Variants in PNLIPRP3 observed in about 807,000 individuals in gnomAD.
PNLIPRP3 encodes pancreatic lipase-related protein 3.
Under a neutral mutation model 52.8 loss-of-function variants are expected in PNLIPRP3, and 58 were observed. The observed-to-expected ratio is 1.10, with a 90% CI of 0.89 to 1.37. The LOEUF (loss-of-function observed/expected upper bound fraction) is 1.37. PNLIPRP3 is among the 40% of genes most tolerant of loss of function. PNLIPRP3 has a pLI of 0.00. For synonymous variants in PNLIPRP3, 192 were observed against 185.0 expected, an observed-to-expected ratio of 1.04 and a Z score of -0.31; for missense variants, 593 against 561.6, an observed-to-expected ratio of 1.06 and a Z score of -0.57.
At chr10:116,430,348 GAAAA>G (rs925392321) in intron 1 of PNLIPRP3, among the ~76,000 whole-genome samples, 1 of 152,196 alleles carries the variant, frequency 6.6e-6, no homozygotes, top group Non-Finnish European at 1.5e-5. Context: ...AGGAGTCTGG[GAAAA>G]TGAAGGGCCT....
At chr10:116,449,681 C>T (rs772519786) in intron 4 of PNLIPRP3, among the ~76,000 whole-genome samples, 1 of 152,092 alleles carries the variant, frequency 6.6e-6, no homozygotes, top group Non-Finnish European at 1.5e-5. Flanking sequence ...GGATAGATCA[C>T]CTAGATGGAA....
chr10:116,445,024 G>A (rs930138755), intron 4 of PNLIPRP3, among the ~76,000 whole-genome samples: 1 of 152,146 alleles, frequency 6.6e-6, no homozygotes, highest in Non-Finnish European at 1.5e-5. Flanking sequence ...CGACATTCAC[G>A]AATCTCCAAA....
chr10:116,435,441 G>A (rs1378731264), intron 1 of PNLIPRP3, among the ~76,000 whole-genome samples: 2 of 39,218 alleles, frequency 5.1e-5, no homozygotes, highest in African/African-American at 5.0e-5. Flanking sequence ...GCCAATAAAT[G>A]AGCCAAAAAA....
At chr10:116,475,479 C>T (rs147093847) in intron 10 of PNLIPRP3, among the ~76,000 whole-genome samples, 30 of 152,258 alleles carry the variant, frequency 2.0e-4, no homozygotes, top group Non-Finnish European at 3.7e-4. Flanking sequence ...CTTCTAGTGA[C>T]ATAAAGGGCT....
intron 5 of PNLIPRP3, 67 bp from the exon 6 acceptor site, chr10:116,460,899 G>C: frequency 1.3e-6 from 2 of 1,567,064 alleles, no homozygotes; most frequent in South Asian, 2.3e-5. Context: ...AAGGACACAT[G>C]CTTCCAAAGT....
chr10:116,471,291 G>A (rs992120929), intron 9 of PNLIPRP3, among the ~76,000 whole-genome samples: 3 of 152,138 alleles, frequency 2.0e-5, no homozygotes, highest in Admixed American at 6.6e-5. Context: ...ATCCCTGCAG[G>A]AGAAGAAGAA....
chr10:116,472,143 G>C (rs1189011839), intron 10 of PNLIPRP3, among the ~76,000 whole-genome samples: 1 of 152,102 alleles, frequency 6.6e-6, no homozygotes, highest in East Asian at 1.9e-4. Context: ...AGAGCAAGTG[G>C]AAAAAACTGA....
chr10:116,448,117 AAC>A (rs1450741745), intron 4 of PNLIPRP3, among the ~76,000 whole-genome samples: 10 of 152,154 alleles, frequency 6.6e-5, no homozygotes, highest in Non-Finnish European at 1.5e-5. Flanking sequence ...GGTAAAGGTA[AAC>A]ATATAGACAA....
chr10:116,455,368 C>T (rs564821434), intron 4 of PNLIPRP3, among the ~76,000 whole-genome samples: 2 of 152,250 alleles, frequency 1.3e-5, no homozygotes, highest in South Asian at 4.1e-4. Flanking sequence ...AATGAGCTGC[C>T]TTTGATGCAT....
Position 116,469,164 on chromosome 10 carries a change from C to A in PNLIPRP3, c.928-21C>A, listed in dbSNP as rs374210037. The A allele has an allele frequency of 5.6e-6, 9 of 1,605,518 alleles. No individual in the cohort carries two copies. In the African/African-American group the frequency reaches 1.1e-4, roughly 19 times the overall value. Reference sequence around the variant, plus strand: ...ACATTTCTAATTACATAAGTAATCACCTTTCATTTTCTGTCATCAGGGAAA... The same window carrying A: ...ACATTTCTAATTACATAAGTAATCAACTTTCATTTTCTGTCATCAGGGAAA... On this transcript the variant is annotated intron_variant, in intron 8 of 11. Transcript: ENST00000369230.
intron 7 of PNLIPRP3, among the ~76,000 whole-genome samples, chr10:116,464,027 A>C (rs114122263): frequency 0.017 from 2,584 of 152,076 alleles, 69 homozygotes; most frequent in African/African-American, 0.06. Context: ...AGAAAGAATA[A>C]ATGACTAGAA....
intron 5 of PNLIPRP3, 45 bp from the exon 6 acceptor site, chr10:116,460,921 T>C (rs1471610297): frequency 6.3e-7 from 1 of 1,595,278 alleles, no homozygotes; most frequent in Non-Finnish European, 8.6e-7. Context: ...ACAACAATAT[T>C]AATGTGCACT....
chr10:116,433,973 G>T (rs961327980), intron 1 of PNLIPRP3, among the ~76,000 whole-genome samples: 1 of 152,164 alleles, frequency 6.6e-6, no homozygotes, highest in Non-Finnish European at 1.5e-5. Context: ...AGAGTGACCG[G>T]CATAAGGGTT....
rs1029631507 is a variant in PNLIPRP3, at chr10:116,431,809, C to T, written c.49+3748C>T. Among the ~76,000 whole-genome samples, 18 of 152,260 alleles carry T rather than the reference C, an allele frequency of 1.2e-4. No homozygotes were observed. The East Asian group carries it at 2.9e-3, about 25-fold the overall frequency. ...TCCCTGGGCCCTAGTCCCGGTGCCTCCTCATTCCTCAGTCACAGTAGGCTC... is the reference window on the plus strand; with the variant it reads ...TCCCTGGGCCCTAGTCCCGGTGCCTTCTCATTCCTCAGTCACAGTAGGCTC... On this transcript the variant is annotated intron_variant, in intron 1 of 11. Transcript: ENST00000369230.
Position 116,455,779 on chromosome 10 carries a change from C to T in PNLIPRP3, c.514C>T (p.His172Tyr), listed in dbSNP as rs773432412. The T allele has an allele frequency of 1.2e-6, 2 of 1,613,862 alleles. No homozygotes were observed. Among genetic ancestry groups the T allele is most frequent in the Admixed American group, 1.7e-5 (1 of 59,992 alleles). ...CTTGATTGGCCACAGCTTGGGAGCACACCTGGCTGGGGAAGCTGGGTCAAG... is the reference window on the plus strand; with the variant it reads ...CTTGATTGGCCACAGCTTGGGAGCATACCTGGCTGGGGAAGCTGGGTCAAG... ...VHLIGHSLGA[H>Y]LAGEAGSRIP... Residue 172 changes from histidine (H) to tyrosine (Y), a missense_variant, in exon 5 of 12, where the codon CAC (histidine) becomes TAC (tyrosine). Physicochemically the swap from His to Tyr is moderately conservative, Grantham distance 83 (BLOSUM62 2). Coordinates refer to ENST00000369230, the MANE Select transcript of PNLIPRP3 (RefSeq NM_001011709.3).
At chr10:116,472,714 C>A (rs576631514) in intron 10 of PNLIPRP3, among the ~76,000 whole-genome samples, 1 of 152,270 alleles carries the variant, frequency 6.6e-6, no homozygotes, top group African/African-American at 2.4e-5. Context: ...TGATCTGGAT[C>A]CTGATTGGTG....
intron 4 of PNLIPRP3, among the ~76,000 whole-genome samples, chr10:116,447,575 GT>G (rs1845970951): frequency 6.6e-6 from 1 of 152,038 alleles, no homozygotes; most frequent in African/African-American, 2.4e-5. Context: ...CATGAACAAA[GT>G]GACAATTTCA....
In PNLIPRP3 at chr10:116,477,252, C is replaced by T. The variant is rs1589994576; in HGVS notation, c.*99C>T. On this transcript the variant is annotated 3_prime_UTR_variant, in exon 12 of 12. Transcript: ENST00000369230. ...GACCAAATTTGACCCTTGTAAATGA[C>T]TTAGTCATTTACAAGGGTCTTACTC... 2.1e-6 allele frequency: 2 copies of T among 965,426 alleles called. No homozygotes were observed. The highest frequency in any genetic ancestry group is 3.3e-5 in the African/African-American group (2 of 59,886). The allele number at this position is 965,426 out of a possible 1,614,324, so 59.8% of individuals were successfully genotyped here. A position where few individuals can be genotyped will look rare whatever the true frequency, so the allele number is the denominator to read the frequency against.
At chr10:116,429,518 G>C (rs1463193337) in intron 1 of PNLIPRP3, among the ~76,000 whole-genome samples, 1 of 152,220 alleles carries the variant, frequency 6.6e-6, no homozygotes, top group African/African-American at 2.4e-5. Context: ...CTTGGCGCTA[G>C]CTTGTGGAAT....
Sources: gnomAD v4.1 joint callset for allele counts (sites outside exome capture counted in the v4.1 genomes callset) on GRCh38, gnomAD v4.1.1 for gene constraint, MANE v1.5 for transcripts, NCBI Gene and HGNC (gene_info 2026-07-23, HGNC 2026-07-21) for gene names.